NCAM2: variants seen among roughly 807,000 people sequenced by gnomAD.
NCAM2 encodes N-CAM-2.
A neutral mutation model predicts 98.1 loss-of-function variants in NCAM2; 30 were observed. That is an observed-to-expected ratio of 0.31 (90% CI 0.23 to 0.41). The LOEUF (loss-of-function observed/expected upper bound fraction) is 0.41. Ranked by LOEUF, NCAM2 falls within the 10% of genes least tolerant of loss-of-function variation. The probability of loss-of-function intolerance (pLI) is 1.00; values close to 1 mark genes in which losing one functional copy is unlikely to be tolerated. For synonymous variants in NCAM2, 368 were observed against 342.4 expected (o/e 1.07, Z -0.83); for missense variants, 867 against 1,005.8 (o/e 0.86, Z 1.87).
chr21:21,073,353 A>G (rs62207593), intron 1 of NCAM2, among the ~76,000 whole-genome samples: 26,295 of 152,142 alleles, frequency 0.17, 2,479 homozygotes, highest in Non-Finnish European at 0.19. Context: ...ATAGTATACT[A>G]TTATTAATCT....
chr21:21,268,292 A>G (rs2072361417), intron 1 of NCAM2, among the ~76,000 whole-genome samples: 1 of 152,120 alleles, frequency 6.6e-6, no homozygotes, highest in African/African-American at 2.4e-5. Context: ...CAGCAAGTCT[A>G]ATGACTGAAG....
intron 1 of NCAM2, among the ~76,000 whole-genome samples, chr21:21,037,674 A>G (rs1473148810): frequency 2.0e-5 from 3 of 152,236 alleles, no homozygotes; most frequent in African/African-American, 4.8e-5. Flanking sequence ...AAACCAAAGC[A>G]TAAAAGTACA....
intron 1 of NCAM2, among the ~76,000 whole-genome samples, chr21:21,123,441 A>T (rs1271223803): frequency 6.6e-6 from 1 of 152,064 alleles, no homozygotes; most frequent in African/African-American, 2.4e-5. Flanking sequence ...GCAGATTTTT[A>T]AAAACACAGT....
At chr21:21,029,690 G>C (rs531705290) in intron 1 of NCAM2, among the ~76,000 whole-genome samples, 1 of 151,934 alleles carries the variant, frequency 6.6e-6, no homozygotes, top group Non-Finnish European at 1.5e-5. Flanking sequence ...GAGTACAGTG[G>C]CGCGATCTTG....
chr21:21,248,600 C>T (rs61694465), intron 1 of NCAM2, among the ~76,000 whole-genome samples: 51,921 of 151,130 alleles, frequency 0.34, 9,399 homozygotes, highest in Non-Finnish European at 0.4. Context: ...CACAGTGAAA[C>T]CCCGTCTTTA....
chr21:21,485,702 T>C (rs1199307846), intron 15 of NCAM2, among the ~76,000 whole-genome samples: 1 of 152,170 alleles, frequency 6.6e-6, no homozygotes, highest in Non-Finnish European at 1.5e-5. Context: ...TTTAGGACAA[T>C]AGGAAACAAC....
chr21:21,152,006 A>G (rs1437373888), intron 1 of NCAM2, among the ~76,000 whole-genome samples: 8 of 151,988 alleles, frequency 5.3e-5, no homozygotes, highest in African/African-American at 1.9e-4. Flanking sequence ...TGTATTGCTT[A>G]ATAAAATGTG....
chr21:21,452,966 ATATAT>A (rs138078485), intron 12 of NCAM2, among the ~76,000 whole-genome samples: 28,171 of 66,722 alleles, frequency 0.42, 4,586 homozygotes, highest in Non-Finnish European at 0.5. Flanking sequence ...ATTATATATT[ATATAT>A]TATTATATAT....
chr21:21,162,843 A>G (rs1474515138), intron 1 of NCAM2, among the ~76,000 whole-genome samples: 1 of 152,152 alleles, frequency 6.6e-6, no homozygotes, highest in Non-Finnish European at 1.5e-5. Flanking sequence ...CTGATCCGAA[A>G]TATATCCGTT....
At chr21:21,345,732 G>C (rs913129535) in intron 8 of NCAM2, among the ~76,000 whole-genome samples, 1 of 152,026 alleles carries the variant, frequency 6.6e-6, no homozygotes, top group Non-Finnish European at 1.5e-5. Context: ...CCTAAACCTA[G>C]AGAAAAATAT....
At position 21,291,231 on chromosome 21, in the gene NCAM2, A is replaced by C. The variant is rs565598248; in HGVS notation, c.482-873A>C. Among the ~76,000 whole-genome samples, 4 of 151,992 alleles carry C rather than the reference A, an allele frequency of 2.6e-5. No homozygotes were observed. The South Asian group carries it at 8.3e-4, about 31-fold the overall frequency. On this transcript the variant is annotated intron_variant, in intron 4 of 17. Transcript: ENST00000400546. ...AGATCTATGGATGTGTTAATTAAGG[A>C]AATTTTAGATATTGCCTGTACAAAG...
At position 21,152,053 on chromosome 21, in the gene NCAM2, G is replaced by T. The variant is rs916797737; in HGVS notation, c.56-128525G>T. Among the ~76,000 whole-genome samples, 3 of 151,758 alleles carry T rather than the reference G, an allele frequency of 2.0e-5. 1 individual carries two copies. The highest frequency in any genetic ancestry group is 7.3e-5 in the African/African-American group (3 of 41,356). ...CTATATATTTCTTCAGTCATTTTAT[G>T]CCCTCTCTTCTGGAACTCTAACTCC... On this transcript the variant is annotated intron_variant, in intron 1 of 17. Transcript: ENST00000400546.
intron 16 of NCAM2, among the ~76,000 whole-genome samples, chr21:21,516,655 C>A (rs1480369369): frequency 6.6e-6 from 1 of 151,878 alleles, no homozygotes; most frequent in Non-Finnish European, 1.5e-5. Context: ...TAGAAGTCAA[C>A]CATCTGTATT....
chr21:21,522,943 C>A (rs1989114185), intron 16 of NCAM2, among the ~76,000 whole-genome samples: 2 of 152,062 alleles, frequency 1.3e-5, no homozygotes, highest in African/African-American at 4.8e-5. Flanking sequence ...TTCTTCAGAG[C>A]AGAAAAATGC....
intron 12 of NCAM2, among the ~76,000 whole-genome samples, chr21:21,450,832 ACAT>A (rs1307242909): frequency 7.1e-6 from 1 of 139,918 alleles, no homozygotes; most frequent in East Asian, 2.0e-4. Context: ...ACACACACAC[ACAT>A]ATCTCCTGTC....
chr21:21,098,068 A>G (rs2066160994), intron 1 of NCAM2, among the ~76,000 whole-genome samples: 1 of 84,252 alleles, frequency 1.2e-5, no homozygotes, highest in Admixed American at 1.5e-4. Context: ...ACATCTGAGA[A>G]TTTAGTTTTA....
chr21:21,461,196 C>T (rs188454884), intron 12 of NCAM2, among the ~76,000 whole-genome samples: 10 of 151,612 alleles, frequency 6.6e-5, no homozygotes, highest in Non-Finnish European at 1.0e-4. Flanking sequence ...AATAATTTTA[C>T]GTATACTAAG....
chr21:21,067,113 G>A (rs1447250212), intron 1 of NCAM2, among the ~76,000 whole-genome samples: 1 of 151,156 alleles, frequency 6.6e-6, no homozygotes, highest in Non-Finnish European at 1.5e-5. Flanking sequence ...TATACTTAAT[G>A]TTTAAAAATA....
At chr21:21,142,367 TTTTTTTTATG>T (rs1027957328) in intron 1 of NCAM2, among the ~76,000 whole-genome samples, 1 of 77,930 alleles carries the variant, frequency 1.3e-5, no homozygotes, top group African/African-American at 3.6e-5. Flanking sequence ...ATTTGACCGT[TTTTTTTTATG>T]TTTTTTTTTT....
Sources: allele counts gnomAD v4.1 joint callset (sites outside exome capture counted in the v4.1 genomes callset), GRCh38; gene constraint gnomAD v4.1.1; transcripts MANE v1.5; gene names NCBI Gene and HGNC (gene_info 2026-07-23, HGNC 2026-07-21).